Variants in ITGAV observed in about 807,000 individuals in gnomAD.
ITGAV encodes the protein integrin subunit alpha V, also known as integrin alpha-V.
Under a neutral mutation model 143.8 loss-of-function variants are expected in ITGAV, and 76 were observed. That is an observed-to-expected ratio of 0.53 (90% confidence interval 0.44 to 0.64). ITGAV has a LOEUF of 0.64. Ranked by LOEUF, ITGAV falls within the 30% of genes least tolerant of loss-of-function variation. ITGAV has a pLI of 0.00. For synonymous variants in ITGAV, 453 were observed against 446.7 expected (o/e 1.01, Z -0.18); for missense variants, 1,193 against 1,274.7 (o/e 0.94, Z 0.98).
intron 18 of ITGAV, among the ~76,000 whole-genome samples, chr2:186,663,410 A>T (rs1453506942): frequency 6.6e-6 from 1 of 152,144 alleles, no homozygotes; most frequent in African/African-American, 2.4e-5. Flanking sequence ...TCACAACTTA[A>T]CTAGCAGCAG....
At chr2:186,663,936 T>C in intron 19 of ITGAV, 101 bp downstream of exon 19, 3 of 749,268 alleles carry the variant, frequency 4.0e-6, no homozygotes, top group Non-Finnish European at 6.9e-6. Flanking sequence ...TTAGTTATCC[T>C]GGAGGGTAAT....
chr2:186,661,063 G>A (rs1400635895), intron 18 of ITGAV, among the ~76,000 whole-genome samples: 4 of 152,080 alleles, frequency 2.6e-5, no homozygotes, highest in Non-Finnish European at 5.9e-5. Flanking sequence ...ATACATTTTG[G>A]GGGGACACAG....
At chr2:186,638,897 CT>C (rs757207733) in intron 10 of ITGAV, among the ~76,000 whole-genome samples, 14,216 of 130,608 alleles carry the variant, frequency 0.11, 698 homozygotes, top group South Asian at 0.13. Context: ...TTTTTGTTTC[CT>C]TTTTTTTTTT....
intron 5 of ITGAV, among the ~76,000 whole-genome samples, chr2:186,632,276 T>A (rs1403128092): frequency 6.6e-6 from 1 of 152,122 alleles, no homozygotes; most frequent in Non-Finnish European, 1.5e-5. Flanking sequence ...ATATATAATG[T>A]CCATCTTTTC....
intron 7 of ITGAV, among the ~76,000 whole-genome samples, chr2:186,636,744 A>G (rs972039067): frequency 1.3e-5 from 2 of 152,226 alleles, no homozygotes; most frequent in African/African-American, 4.8e-5. Flanking sequence ...CAAGTCATAT[A>G]TGACAGAAAT....
intron 26 of ITGAV, among the ~76,000 whole-genome samples, chr2:186,671,326 C>G (rs1253729377): frequency 1.8e-4 from 28 of 152,086 alleles, no homozygotes; most frequent in Admixed American, 1.8e-3. Context: ...CTTGCATCTC[C>G]TCTCCTTACT....
At chr2:186,627,341 C>T (rs1287802464) in intron 4 of ITGAV, among the ~76,000 whole-genome samples, 1 of 152,172 alleles carries the variant, frequency 6.6e-6, no homozygotes, top group African/African-American at 2.4e-5. Context: ...TCCAAAAGAA[C>T]CTTTCCTCTA....
At chr2:186,672,133 T>C (rs1333696068) in intron 26 of ITGAV, among the ~76,000 whole-genome samples, 1 of 151,972 alleles carries the variant, frequency 6.6e-6, no homozygotes, top group Non-Finnish European at 1.5e-5. Flanking sequence ...TTTGTGTTTT[T>C]AGTAGAGACG....
Position 186,664,537 on chromosome 2 carries a change from T to C in ITGAV, c.1969T>C (p.Leu657=), listed in dbSNP as rs764426504. The stretch of plus-strand genomic sequence containing the variant: ...TATTGGGGATGACAACCCTCTGACA[T>C]TGATTGTTAAGGCTCAGAATCAAGG... ...IYIGDDNPLT[L]IVKAQNQGEG... is the part of the protein sequence containing the mutation. The change falls in exon 20 of 30, where the codon TTG becomes CTG. Residue 657 remains leucine, a synonymous_variant. Transcript: ENST00000261023. 2 of 1,613,942 alleles carry C rather than the reference T, an allele frequency of 1.2e-6. No homozygotes were observed. Among genetic ancestry groups the C allele is most frequent in the South Asian group, 1.1e-5 (1 of 91,078 alleles).
chr2:186,651,208 T>G (rs1448042975), intron 14 of ITGAV, among the ~76,000 whole-genome samples: 1 of 152,232 alleles, frequency 6.6e-6, no homozygotes, highest in Non-Finnish European at 1.5e-5. Flanking sequence ...TAGTGCTATG[T>G]AGCGGAGTTT....
intron 1 of ITGAV, 50 bp downstream of exon 1, chr2:186,590,573 C>T (rs768503588): frequency 6.5e-7 from 1 of 1,531,226 alleles, no homozygotes; most frequent in Non-Finnish European, 8.9e-7. Flanking sequence ...CCACCGCGCG[C>T]ACCCACCCAG....
At chr2:186,635,876 C>G (rs1687933077) in intron 6 of ITGAV, among the ~76,000 whole-genome samples, 2 of 152,114 alleles carry the variant, frequency 1.3e-5, no homozygotes. Context: ...GCAGAGACTA[C>G]TTTTAAGTAC....
intron 8 of ITGAV, among the ~76,000 whole-genome samples, chr2:186,637,322 A>G (rs950564683): frequency 6.6e-6 from 1 of 151,816 alleles, no homozygotes; most frequent in African/African-American, 2.4e-5. Flanking sequence ...CCTCTAGAAA[A>G]AACACAAAAA....
intron 10 of ITGAV, among the ~76,000 whole-genome samples, chr2:186,639,990 T>C (rs1278462178): frequency 1.3e-5 from 2 of 152,206 alleles, no homozygotes; most frequent in African/African-American, 4.8e-5. Flanking sequence ...ATTTTCCCAA[T>C]TACACTGTAT....
intron 12 of ITGAV, among the ~76,000 whole-genome samples, chr2:186,646,168 T>C (rs1231293984): frequency 1.3e-5 from 2 of 152,176 alleles, no homozygotes; most frequent in African/African-American, 2.4e-5. Flanking sequence ...TCAGTGTAAG[T>C]TGAGCAAGAT....
At chr2:186,637,254 G>A in intron 8 of ITGAV, 145 bp downstream of exon 8, 1 of 664,870 alleles carries the variant, frequency 1.5e-6, no homozygotes. Flanking sequence ...GGCTGAGGCG[G>A]GTGGATCCCT....
chr2:186,594,677 C>A (rs1299102703), intron 1 of ITGAV, among the ~76,000 whole-genome samples: 1 of 152,164 alleles, frequency 6.6e-6, no homozygotes, highest in Admixed American at 6.5e-5. Context: ...AAGTCCAAAC[C>A]GCTTAACATG....
Position 186,646,591 on chromosome 2 carries a change from TC to T in ITGAV, c.1160-89del, listed in dbSNP as rs1574488092. On this transcript the variant is annotated intron_variant, in intron 12 of 29. Coordinates refer to ENST00000261023, the MANE Select transcript of ITGAV (RefSeq NM_002210.5). ...TTTCTTCTCTTCATCCTTGCCCTCT[TC>T]CCCCCTTCTCTCGTTCCTTCCTCAT... is the stretch of plus-strand genomic sequence containing the variant. The T allele has an allele frequency of 6.7e-5, 54 of 801,502 alleles. No individual in the cohort carries two copies. The East Asian group carries it at 1.2e-3, about 18-fold the overall frequency. The allele number at this position is 801,502 out of a possible 1,614,324, so 49.6% of individuals were successfully genotyped here. A position where few individuals can be genotyped will look rare whatever the true frequency, so the allele number is the denominator to read the frequency against.
intron 3 of ITGAV, among the ~76,000 whole-genome samples, 184 bp from the exon 4 acceptor site, chr2:186,625,289 T>G (rs1687641332): frequency 6.6e-6 from 1 of 152,132 alleles, no homozygotes; most frequent in Non-Finnish European, 1.5e-5. Context: ...GGCCAATTAT[T>G]TGAGCTCAGG....
Sources: allele counts gnomAD v4.1 joint callset (sites outside exome capture counted in the v4.1 genomes callset), GRCh38; gene constraint gnomAD v4.1.1; transcripts MANE v1.5; gene names NCBI Gene and HGNC (gene_info 2026-07-23, HGNC 2026-07-21).